GRIP2: variants seen among roughly 807,000 people sequenced by gnomAD.
GRIP2 encodes the protein glutamate receptor-interacting protein 2.
In GRIP2, 58 loss-of-function variants were observed where a neutral mutation model predicts 108.3. The ratio of observed to expected loss-of-function variants is 0.54; its 90% CI spans 0.43 to 0.67. The LOEUF (loss-of-function observed/expected upper bound fraction) is 0.67. Ranked by LOEUF, GRIP2 falls within the 30% of genes least tolerant of loss-of-function variation. The pLI is 0.00. For synonymous variants in GRIP2, 586 were observed against 598.2 expected, an observed-to-expected ratio of 0.98 and a Z score of 0.30; for missense variants, 1,278 against 1,430.6, an observed-to-expected ratio of 0.89 and a Z score of 1.72.
rs1057060151 is a variant in GRIP2, at chr3:14,511,549, G to A, written c.1721-70C>T. On this transcript the variant is annotated intron_variant, in intron 14 of 23. Coordinates refer to ENST00000621039, the MANE Select transcript of GRIP2 (RefSeq NM_001080423.4). This position sits in a 1 kb window ranked among gnomAD's most constrained non-coding sequence, Gnocchi z 4.1. ...TGGGGTGGGGTGGCGAAGCCCAGGG[G>A]TCTGAGTGTGGACTCGGAGCCACTG... 11 of 1,455,130 alleles carry A rather than the reference G, an allele frequency of 7.6e-6. No homozygotes were observed. The highest frequency in any genetic ancestry group is 1.1e-5 in the Non-Finnish European group (11 of 1,045,596). The allele number at this position is 1,455,130 out of a possible 1,614,324, so 90.1% of individuals were successfully genotyped here.
At chr3:14,516,986 C>T in intron 11 of GRIP2, 78 bp downstream of exon 11, 19 of 1,342,900 alleles carry the variant, frequency 1.4e-5, no homozygotes, top group East Asian at 5.9e-5. Context: ...CTCCCCTCGC[C>T]CTGACATACA....
intron 20 of GRIP2, 24 bp from the exon 21 acceptor site, chr3:14,503,695 G>A (rs566287696): frequency 6.1e-5 from 31 of 510,248 alleles, no homozygotes; most frequent in South Asian, 2.2e-4. Context: ...ACCAGAGAGC[G>A]TCAACTCCTG....
At chr3:14,523,974 C>G (rs1041478165) in intron 4 of GRIP2, 1 of 519,022 alleles carries the variant, frequency 1.9e-6, no homozygotes, top group South Asian at 2.5e-5. Flanking sequence ...TAGGCTCAGG[C>G]CAGGGCTGAA....
intron 1 of GRIP2, chr3:14,530,871 A>G (rs1431057048): frequency 2.6e-5 from 4 of 152,236 alleles, no homozygotes; most frequent in Admixed American, 6.5e-5. Context: ...AAACAATCCA[A>G]TTAAATCTTT....
chr3:14,517,000 T>C, intron 11 of GRIP2, 64 bp downstream of exon 11: 3 of 1,402,368 alleles, frequency 2.1e-6, no homozygotes, highest in East Asian at 5.6e-5. Flanking sequence ...ACATACACCC[T>C]TTGGCAAGCC....
chr3:14,576,672 G>A, the GRIP2 span, among the ~76,000 whole-genome samples: 180 of 152,280 alleles, frequency 1.2e-3, no homozygotes, highest in Non-Finnish European at 2.2e-3. Context: ...GGGCAACACC[G>A]GCCAGTCAAC....
At chr3:14,531,258 C>A (rs1694704054) in intron 1 of GRIP2, among the ~76,000 whole-genome samples, 1 of 152,166 alleles carries the variant, frequency 6.6e-6, no homozygotes, top group Admixed American at 6.5e-5. Flanking sequence ...GGCCAGACCT[C>A]CCTTACAAAG....
chr3:14,524,049 C>A (rs183121857), intron 4 of GRIP2: 4 of 483,238 alleles, frequency 8.3e-6, no homozygotes, highest in African/African-American at 5.8e-5. Context: ...CTAGGTGAAA[C>A]CCTACACCAC....
intron 1 of GRIP2, among the ~76,000 whole-genome samples, chr3:14,547,153 A>G (rs1028041058): frequency 6.6e-6 from 1 of 152,198 alleles, no homozygotes; most frequent in African/African-American, 2.4e-5. Flanking sequence ...GTCACATTAA[A>G]GAAAGAAAGG....
chr3:14,550,526 G>A (rs977135012), intron 1 of GRIP2, among the ~76,000 whole-genome samples: 1 of 152,226 alleles, frequency 6.6e-6, no homozygotes, highest in Non-Finnish European at 1.5e-5. Context: ...GGCACCGCTG[G>A]TGCCTCAGAG....
At chr3:14,519,995 T>C in intron 9 of GRIP2, 115 bp downstream of exon 9, 1 of 1,007,722 alleles carries the variant, frequency 9.9e-7, no homozygotes, top group Non-Finnish European at 1.4e-6. Context: ...AAATGAGGAT[T>C]TGTCCTAGTA....
the GRIP2 span, among the ~76,000 whole-genome samples, chr3:14,602,809 C>G: frequency 5.3e-5 from 8 of 151,756 alleles, no homozygotes; most frequent in African/African-American, 1.9e-4. The surrounding 1 kb of genome is among the most constrained non-coding windows in gnomAD (Gnocchi z 4.7). Context: ...CTTCGCCTCC[C>G]GCGGGGACCC....
At position 14,494,952 on chromosome 3, in the gene GRIP2, C is replaced by T; in HGVS notation, c.2861G>A (p.Gly954Asp). Residue 954 changes from glycine to aspartate, a missense_variant, in exon 23 of 24, where the codon GGT becomes GAT. Physicochemically the swap from Gly to Asp is moderately conservative, Grantham distance 94. Coordinates refer to ENST00000621039, the MANE Select transcript of GRIP2 (RefSeq NM_001080423.4). ...LHKDPMRHDF[G>D]FSVSDGLLEK... Reference sequence around the variant, plus strand: ...CAGGAGGCCATCTGAGACGCTGAAACCAAAGTCATGCCGCATGGGGTCCTT... The same window carrying T: ...CAGGAGGCCATCTGAGACGCTGAAATCAAAGTCATGCCGCATGGGGTCCTT... 1 of 1,613,984 alleles carries T rather than the reference C, an allele frequency of 6.2e-7. No individual in the cohort carries two copies. Among genetic ancestry groups the T allele is most frequent in the African/African-American group, 1.3e-5 (1 of 75,052 alleles).
At position 14,524,542 on chromosome 3, in the gene GRIP2, G is replaced by C. The variant is rs532167380; in HGVS notation, c.258-4C>G. On this transcript the variant is annotated splice_region_variant and splice_polypyrimidine_tract_variant and intron_variant, in intron 3 of 23. Transcript: ENST00000621039. ...ACCAATGTTCAGCAGATCACTCCTA[G>C]AGCAGGAAGGCCAGGGCACACATGG... The C allele has an allele frequency of 7.1e-6, 11 of 1,551,776 alleles. No homozygotes were observed. The East Asian group carries it at 9.8e-5, about 14-fold the overall frequency.
chr3:14,600,232 C>T, the GRIP2 span, among the ~76,000 whole-genome samples: 2 of 152,244 alleles, frequency 1.3e-5, no homozygotes, highest in African/African-American at 2.4e-5. Flanking sequence ...ATCATTTCTC[C>T]AAATCTGAAG....
chr3:14,534,353 G>T (rs1355971955), intron 1 of GRIP2, among the ~76,000 whole-genome samples: 2 of 151,762 alleles, frequency 1.3e-5, no homozygotes, highest in Non-Finnish European at 2.9e-5. Flanking sequence ...ACCCCTTGGG[G>T]GGGTCAGACC....
rs761172020 is a variant in GRIP2 at position 14,513,693 on chromosome 3, G to A, written c.1611C>T (p.Val537=). Residue 537 remains valine (V), a synonymous_variant, in exon 13 of 24, where the codon GTC becomes GTT. Coordinates refer to ENST00000621039, the MANE Select transcript of GRIP2 (RefSeq NM_001080423.4). ...CCACATCGAACTCCACCTCCAGCAC[G>A]ACCTTGTGGGCCAGTGCGGCGTCCC... ...LLRDAALAHK[V]VLEVEFDVAE... 5.0e-6 allele frequency: 8 copies of A among 1,610,788 alleles called. No homozygotes were observed. The highest frequency in any genetic ancestry group is 4.4e-5 in the South Asian group (4 of 90,176).
the GRIP2 span, among the ~76,000 whole-genome samples, chr3:14,567,735 G>C: frequency 6.6e-6 from 1 of 152,234 alleles, no homozygotes; most frequent in South Asian, 2.1e-4. Flanking sequence ...ACTTGCTCAT[G>C]TGCTGGGCAG....
At position 14,532,804 on chromosome 3, in the gene GRIP2, G is replaced by C. The variant is rs796596959; in HGVS notation, c.41-6873C>G. Among the ~76,000 whole-genome samples, 14 of 152,130 alleles carry C rather than the reference G, an allele frequency of 9.2e-5. No homozygotes were observed. In the East Asian group the frequency reaches 2.1e-3, roughly 23 times the overall value. ...CGGGCCGGATCCTGTAGAGTTGAGG[G>C]CGGGGCTCAGCCTGGCTCCGGGCCG... On this transcript the variant is annotated intron_variant, in intron 1 of 23. Coordinates refer to ENST00000621039, the MANE Select transcript of GRIP2 (RefSeq NM_001080423.4).
Sources: allele counts gnomAD v4.1 joint callset (sites outside exome capture counted in the v4.1 genomes callset), GRCh38; gene constraint gnomAD v4.1.1; non-coding constraint Gnocchi (gnomAD v3.1); transcripts MANE v1.5; gene names NCBI Gene and HGNC (gene_info 2026-07-23, HGNC 2026-07-21).